The following LRRTM4 variants were observed in gnomAD, a reference collection of about 807,000 sequenced individuals.
The protein encoded by LRRTM4 is leucine rich repeat transmembrane neuronal 4.
A neutral mutation model predicts 47.6 loss-of-function variants in LRRTM4; 25 were observed. The ratio of observed to expected loss-of-function variants is 0.53; its 90% CI spans 0.38 to 0.73. The LOEUF (loss-of-function observed/expected upper bound fraction) is 0.73. Ranked by LOEUF, LRRTM4 falls within the 30% of genes least tolerant of loss-of-function variation. The probability of loss-of-function intolerance (pLI) is 0.00; values close to 1 mark genes in which losing one functional copy is unlikely to be tolerated. For synonymous variants in LRRTM4, 311 were observed against 269.5 expected, an observed-to-expected ratio of 1.15 and a Z score of -1.51; for missense variants, 638 against 713.4, an observed-to-expected ratio of 0.89 and a Z score of 1.20.
At chr2:77,268,434 T>G (rs1233060881) in intron 3 of LRRTM4, among the ~76,000 whole-genome samples, 1 of 152,126 alleles carries the variant, frequency 6.6e-6, no homozygotes, top group African/African-American at 2.4e-5. Flanking sequence ...GAATATCCCC[T>G]GTGTCTCTCT....
At chr2:76,897,703 A>G (rs1007439210) in intron 3 of LRRTM4, among the ~76,000 whole-genome samples, 2 of 152,144 alleles carry the variant, frequency 1.3e-5, no homozygotes, top group Non-Finnish European at 2.9e-5. Flanking sequence ...TTTTTTAATC[A>G]CTGGCTGGGC....
chr2:77,376,858 C>A (rs921370766), intron 3 of LRRTM4, among the ~76,000 whole-genome samples: 1 of 151,984 alleles, frequency 6.6e-6, no homozygotes, highest in East Asian at 1.9e-4. Flanking sequence ...AATCACTAAG[C>A]ACATCCCATA....
chr2:76,821,963 A>G (rs1195584596), intron 3 of LRRTM4, among the ~76,000 whole-genome samples: 4 of 151,634 alleles, frequency 2.6e-5, no homozygotes, highest in Non-Finnish European at 5.9e-5. Context: ...TTAGAGGGAT[A>G]CTAAGAAAGT....
intron 3 of LRRTM4, among the ~76,000 whole-genome samples, chr2:77,409,140 A>G (rs1032201465): frequency 6.6e-6 from 1 of 152,208 alleles, no homozygotes; most frequent in Non-Finnish European, 1.5e-5. Context: ...TTTTCTCCAC[A>G]GGATTAATAT....
chr2:77,022,963 C>A (rs1678327266), intron 3 of LRRTM4, among the ~76,000 whole-genome samples: 1 of 152,248 alleles, frequency 6.6e-6, no homozygotes, highest in Admixed American at 6.5e-5. Flanking sequence ...CCACATTTCC[C>A]TTCTGCACTG....
intron 3 of LRRTM4, among the ~76,000 whole-genome samples, chr2:76,775,201 C>T (rs1184308578): frequency 6.6e-6 from 1 of 152,140 alleles, no homozygotes; most frequent in East Asian, 1.9e-4. Context: ...GGCTTGATGG[C>T]TTTTGCAATT....
intron 3 of LRRTM4, among the ~76,000 whole-genome samples, chr2:76,780,458 T>A (rs1208508824): frequency 1.3e-5 from 2 of 152,154 alleles, no homozygotes; most frequent in African/African-American, 2.4e-5. Flanking sequence ...CTTTGCTCAT[T>A]TCTTTTTATT....
intron 3 of LRRTM4, among the ~76,000 whole-genome samples, chr2:76,965,957 C>G (rs1676010020): frequency 6.6e-6 from 1 of 151,368 alleles, no homozygotes; most frequent in South Asian, 2.1e-4. Flanking sequence ...GAGCCAGGTA[C>G]TCACTGGCCA....
chr2:77,078,284 C>T (rs555480478), intron 3 of LRRTM4, among the ~76,000 whole-genome samples: 14 of 152,146 alleles, frequency 9.2e-5, no homozygotes, highest in South Asian at 8.3e-4. Flanking sequence ...TCTCTCGTTG[C>T]TATTTTCTTT....
intron 3 of LRRTM4, among the ~76,000 whole-genome samples, chr2:76,882,317 T>G (rs940316643): frequency 1.3e-5 from 2 of 152,034 alleles, no homozygotes; most frequent in Non-Finnish European, 2.9e-5. Flanking sequence ...AAACATTATT[T>G]ATTATTATAT....
intron 3 of LRRTM4, among the ~76,000 whole-genome samples, chr2:77,178,234 A>G (rs1673251043): frequency 6.6e-6 from 1 of 152,182 alleles, no homozygotes; most frequent in Non-Finnish European, 1.5e-5. Flanking sequence ...AGAGATAACT[A>G]TTTTCAATAC....
chr2:77,170,171 A>G (rs972439984), intron 3 of LRRTM4, among the ~76,000 whole-genome samples: 1 of 152,158 alleles, frequency 6.6e-6, no homozygotes, highest in Admixed American at 6.6e-5. Context: ...TATATTATAT[A>G]GGTGGGTCCA....
At chr2:76,913,915 C>T (rs1286710810) in intron 3 of LRRTM4, among the ~76,000 whole-genome samples, 1 of 151,730 alleles carries the variant, frequency 6.6e-6, no homozygotes, top group Non-Finnish European at 1.5e-5. Context: ...GGAAACTTCC[C>T]TTTTTTAGAG....
intron 3 of LRRTM4, among the ~76,000 whole-genome samples, chr2:77,428,736 A>G (rs1675228881): frequency 6.6e-6 from 1 of 152,224 alleles, no homozygotes; most frequent in African/African-American, 2.4e-5. Context: ...TCAGAAGAGT[A>G]AATGGTGAAT....
At chr2:77,094,001 C>T (rs1443781174) in intron 3 of LRRTM4, among the ~76,000 whole-genome samples, 10 of 131,176 alleles carry the variant, frequency 7.6e-5, no homozygotes, top group Admixed American at 2.2e-4. Context: ...TGCCCCACCC[C>T]TATCTCCCTT....
intron 3 of LRRTM4, among the ~76,000 whole-genome samples, chr2:77,480,821 T>A (rs867500265): frequency 0.018 from 1,563 of 87,230 alleles, 6 homozygotes; most frequent in East Asian, 0.071. Flanking sequence ...TGTGTGTGTG[T>A]GGAGAGAGAG....
At chr2:76,834,282 C>G (rs933990257) in intron 3 of LRRTM4, among the ~76,000 whole-genome samples, 5 of 151,488 alleles carry the variant, frequency 3.3e-5, no homozygotes, top group Non-Finnish European at 5.9e-5. Flanking sequence ...AACTCCTGAC[C>G]TCAGGTGATC....
chr2:76,916,384 C>CAAAAAAAAAAAAAAAAAAAAA (rs57874749), intron 3 of LRRTM4, among the ~76,000 whole-genome samples: 7 of 53,494 alleles, frequency 1.3e-4, no homozygotes, highest in East Asian at 3.7e-4. Flanking sequence ...GACTGTGTCT[C>CAAAAAAAAAAAAAAAAAAAAA]AAAAAAAAAA....
At chr2:77,086,959 G>A (rs1313676446) in intron 3 of LRRTM4, among the ~76,000 whole-genome samples, 1 of 152,090 alleles carries the variant, frequency 6.6e-6, no homozygotes, top group African/African-American at 2.4e-5. Flanking sequence ...TAGGCATTCT[G>A]GGTTTAATAT....
Sources: allele counts gnomAD v4.1 joint callset (sites outside exome capture counted in the v4.1 genomes callset), GRCh38; gene constraint gnomAD v4.1.1; transcripts MANE v1.5; gene names NCBI Gene and HGNC (gene_info 2026-07-23, HGNC 2026-07-21).